Variants in SPSB1 observed in about 807,000 individuals in gnomAD.
The protein encoded by SPSB1 is splA/ryanodine receptor domain and SOCS box containing 1, also known as SPRY domain-containing SOCS box protein 1.
SPSB1 carries 8 observed loss-of-function variants against 21.2 expected under a neutral mutation model. That is an observed-to-expected ratio of 0.38 (90% CI 0.22 to 0.68). The LOEUF (loss-of-function observed/expected upper bound fraction) is 0.68. SPSB1 is among the 30% of genes least tolerant of loss of function. SPSB1 has a pLI of 0.53. For synonymous variants in SPSB1, 169 were observed against 161.7 expected, an observed-to-expected ratio of 1.05 and a Z score of -0.34; for missense variants, 242 against 377.8, an observed-to-expected ratio of 0.64 and a Z score of 2.98.
Position 9,305,794 on chromosome 1 carries a change from A to T in SPSB1, c.-150+12723A>T, listed in dbSNP as rs1381494706. 6.6e-6 allele frequency among the ~76,000 whole-genome samples: 1 copy of T among 152,146 alleles called. No homozygotes were observed. Among genetic ancestry groups the T allele is most frequent in the South Asian group, 2.1e-4 (1 of 4,826 alleles). On this transcript the variant is annotated intron_variant, in intron 1 of 2. Coordinates refer to ENST00000328089, the MANE Select transcript of SPSB1 (RefSeq NM_025106.4). The surrounding 1 kb of genome is among the most constrained non-coding windows in gnomAD (Gnocchi z 4.8). The stretch of plus-strand genomic sequence containing the variant: ...TGCAGCCAGTCTGCTGGGGCCGAGG[A>T]TACAAAGAATGAGGAAGCTTTCTCT...
intron 1 of SPSB1, among the ~76,000 whole-genome samples, chr1:9,322,608 G>A (rs531095469): frequency 3.9e-5 from 6 of 152,182 alleles, no homozygotes; most frequent in African/African-American, 1.2e-4. Context: ...AAGTGGCATC[G>A]TTGCGGACAG....
chr1:9,325,624 C>T (rs551538560), intron 1 of SPSB1, among the ~76,000 whole-genome samples: 1 of 152,152 alleles, frequency 6.6e-6, no homozygotes, highest in Non-Finnish European at 1.5e-5. Flanking sequence ...CTGTGCCAGC[C>T]CCTGAGGCAC....
chr1:9,361,151 A>C (rs1177343217), intron 2 of SPSB1, among the ~76,000 whole-genome samples: 1 of 66,158 alleles, frequency 1.5e-5, no homozygotes, highest in African/African-American at 7.4e-5. Context: ...TGGATCTGTC[A>C]TTTTCTTTTT....
intron 1 of SPSB1, among the ~76,000 whole-genome samples, chr1:9,326,720 CA>C (rs1308308504): frequency 6.6e-6 from 1 of 152,230 alleles, no homozygotes; most frequent in Non-Finnish European, 1.5e-5. Context: ...GCCTGATCAT[CA>C]GCCGTCTTCC....
intron 1 of SPSB1, among the ~76,000 whole-genome samples, chr1:9,294,172 GTC>G (rs1639169720): frequency 9.7e-6 from 1 of 103,458 alleles, no homozygotes; most frequent in African/African-American, 3.1e-5. Flanking sequence ...GTCTCTGAGT[GTC>G]TGTCTCTGCA....
At chr1:9,312,792 G>A (rs1408023429) in intron 1 of SPSB1, among the ~76,000 whole-genome samples, 1 of 152,096 alleles carries the variant, frequency 6.6e-6, no homozygotes, top group Non-Finnish European at 1.5e-5. Flanking sequence ...TATTGCAAGT[G>A]GCGCAGTTTT....
At chr1:9,349,289 C>T (rs1640213026) in intron 1 of SPSB1, among the ~76,000 whole-genome samples, 1 of 152,238 alleles carries the variant, frequency 6.6e-6, no homozygotes, top group Non-Finnish European at 1.5e-5. Flanking sequence ...CCCAGCCCTC[C>T]CGTGCATGAG....
At chr1:9,312,490 A>C (rs1639537356) in intron 1 of SPSB1, among the ~76,000 whole-genome samples, 1 of 152,168 alleles carries the variant, frequency 6.6e-6, no homozygotes. Flanking sequence ...TTATTAGTGC[A>C]CACATGTGGT....
rs3795309 is a variant in SPSB1, at chr1:9,356,287, C to T, written c.396C>T (p.Leu132=). The change falls in exon 2 of 3, where the codon CTC becomes CTT. Residue 132 remains leucine, a synonymous_variant. Coordinates refer to ENST00000328089, the MANE Select transcript of SPSB1 (RefSeq NM_025106.4). The surrounding 1 kb of genome is among the most constrained non-coding windows in gnomAD (Gnocchi z 7.4). Reference sequence around the variant, plus strand: ...TGCACTCTGTCGGGTACACAACCCTCGTGGGGAATAACCACGAGTCCTGGG... The same window carrying T: ...TGCACTCTGTCGGGTACACAACCCTTGTGGGGAATAACCACGAGTCCTGGG... ...APLHSVGYTT[L]VGNNHESWGW... 0.28 allele frequency: 459,339 copies of T among 1,613,264 alleles called. 68,529 individuals are homozygous for T. The highest frequency in any genetic ancestry group is 0.31 in the Non-Finnish European group (366,743 of 1,179,916).
chr1:9,339,408 A>G, intron 1 of SPSB1: 2 of 655,730 alleles, frequency 3.1e-6, no homozygotes, highest in Non-Finnish European at 3.8e-6. Context: ...TCCTCAGGTA[A>G]TTCCGGGGCG....
In SPSB1 at chr1:9,355,862, G is replaced by T. The variant is rs1229172818; in HGVS notation, c.-30G>T. Reference sequence around the variant, plus strand: ...CGAGATTGATGAGTTTGCCTTGGGAGTCGGTAAGAAGGTGAAGCCAGGGGC... The same window carrying T: ...CGAGATTGATGAGTTTGCCTTGGGATTCGGTAAGAAGGTGAAGCCAGGGGC... On this transcript the variant is annotated 5_prime_UTR_variant, in exon 2 of 3. Transcript: ENST00000328089. 3 of 1,522,230 alleles carry T rather than the reference G, an allele frequency of 2.0e-6. No individual in the cohort carries two copies. The East Asian group carries it at 6.8e-5, about 35-fold the overall frequency. 94.3% of individuals were successfully genotyped at this position (1,522,230 alleles called of 1,614,324 possible).
At chr1:9,359,310 G>C (rs559929951) in intron 2 of SPSB1, among the ~76,000 whole-genome samples, 1 of 152,204 alleles carries the variant, frequency 6.6e-6, no homozygotes, top group East Asian at 1.9e-4. Flanking sequence ...CCGCTGCAGC[G>C]TGGTGATAGG....
At position 9,356,468 on chromosome 1, in the gene SPSB1, G is replaced by T. The variant is rs1414295357; in HGVS notation, c.577G>T (p.Asp193Tyr). ...MDDGTLSFIVDGQYMGVAFRG... is the reference protein window; with the variant it reads ...MDDGTLSFIVYGQYMGVAFRG... ...CGACGGGACTCTGAGCTTCATTGTG[G>T]ATGGACAGTACATGGGAGTGGCTTT... Residue 193 changes from aspartate to tyrosine, a missense_variant, in exon 2 of 3, where the codon GAT becomes TAT. Physicochemically the swap from Asp to Tyr is radical, Grantham distance 160. Transcript: ENST00000328089. This position sits in a 1 kb window ranked among gnomAD's most constrained non-coding sequence, Gnocchi z 7.4. 2 of 1,614,080 alleles carry T rather than the reference G, an allele frequency of 1.2e-6. No homozygotes were observed. The highest frequency in any genetic ancestry group is 3.3e-5 in the Admixed American group (2 of 60,022).
rs149395215 is a variant in SPSB1 at position 9,355,876 on chromosome 1, G to A, written c.-16G>A. 1 of 1,532,346 alleles carries A rather than the reference G, an allele frequency of 6.5e-7. No individual in the cohort carries two copies. The highest frequency in any genetic ancestry group is 1.4e-5 in the African/African-American group (1 of 72,444). 94.9% of individuals were successfully genotyped at this position (1,532,346 alleles called of 1,614,324 possible). ...TTGCCTTGGGAGTCGGTAAGAAGGT[G>A]AAGCCAGGGGCGAACATGGGTCAGA... On this transcript the variant is annotated 5_prime_UTR_variant, in exon 2 of 3. It removes the in-frame stop codon of an upstream open reading frame in the 5' UTR. Transcript: ENST00000328089.
chr1:9,323,101 G>A lies in SPSB1; in HGVS notation c.-150+30030G>A, dbSNP rs375437707. 6.2e-4 allele frequency among the ~76,000 whole-genome samples: 95 copies of A among 152,322 alleles called. No individual in the cohort carries two copies. The East Asian group carries it at 0.016, about 25-fold the overall frequency. On this transcript the variant is annotated intron_variant, in intron 1 of 2. Transcript: ENST00000328089. ...CCGCCCCTCCCCAGCTCCGGCCTTC[G>A]AGGACTTTGCGGCCTCTGCAGCCAC...
chr1:9,354,868 C>CT lies in SPSB1; in HGVS notation c.-149-874dup, dbSNP rs202052843. Among the ~76,000 whole-genome samples, 359 of 152,192 alleles carry CT rather than the reference C, an allele frequency of 2.4e-3. 4 individuals are homozygous for CT. Among genetic ancestry groups the CT allele is most frequent in the Admixed American group, 0.011 (170 of 15,290 alleles). On this transcript the variant is annotated intron_variant, in intron 1 of 2. Coordinates refer to ENST00000328089, the MANE Select transcript of SPSB1 (RefSeq NM_025106.4). ...TCGGGTAGATGATGCAGTGAGATCT[C>CT]TCCCCCAACCCAGAGTCCCTGTTCT...
rs1246404320 is a variant in SPSB1 at position 9,363,946 on chromosome 1, C to T, written c.695-3502C>T. Among the ~76,000 whole-genome samples the T allele has an allele frequency of 1.3e-5, 2 of 152,186 alleles. No homozygotes were observed. The highest frequency in any genetic ancestry group is 2.9e-5 in the Non-Finnish European group (2 of 68,030). ...AAACTCCTGACCTCAGGTGATCACC[C>T]ACCTCGGCCTCCCAAAGTGCTGGGA... On this transcript the variant is annotated intron_variant, in intron 2 of 2. Coordinates refer to ENST00000328089, the MANE Select transcript of SPSB1 (RefSeq NM_025106.4). The surrounding 1 kb of genome is among the most constrained non-coding windows in gnomAD (Gnocchi z 4.5).
chr1:9,351,705 G>C (rs1640262097), intron 1 of SPSB1: 1 of 152,376 alleles, frequency 6.6e-6, no homozygotes, highest in Admixed American at 6.5e-5. Context: ...TGGCTTCAGT[G>C]TTCCTGCACA....
chr1:9,357,971 C>T (rs1640402010), intron 2 of SPSB1, among the ~76,000 whole-genome samples: 1 of 152,168 alleles, frequency 6.6e-6, no homozygotes, highest in Non-Finnish European at 1.5e-5. Flanking sequence ...GCAGGTTCAG[C>T]TCAGCACCCT....
Sources: gnomAD v4.1 joint callset for allele counts (sites outside exome capture counted in the v4.1 genomes callset) on GRCh38, gnomAD v4.1.1 for gene constraint, Gnocchi (gnomAD v3.1) non-coding constraint, MANE v1.5 for transcripts, NCBI Gene and HGNC (gene_info 2026-07-23, HGNC 2026-07-21) for gene names.